The following MAPK9 variants were observed in gnomAD, a reference collection of about 807,000 sequenced individuals.
MAPK9 encodes the protein Jun kinase.
A neutral mutation model predicts 57.1 loss-of-function variants in MAPK9; 30 were observed. The observed-to-expected ratio is 0.53, with a 90% CI of 0.39 to 0.71. The LOEUF (loss-of-function observed/expected upper bound fraction) is 0.71, where lower values mean the gene tolerates loss of function less well. Ranked by LOEUF, MAPK9 falls within the 30% of genes least tolerant of loss-of-function variation. MAPK9 has a pLI of 0.00. For synonymous variants in MAPK9, 155 were observed against 177.0 expected, an observed-to-expected ratio of 0.88 and a Z score of 0.99; for missense variants, 362 against 521.0, an observed-to-expected ratio of 0.69 and a Z score of 2.97.
intron 5 of MAPK9, among the ~76,000 whole-genome samples, chr5:180,250,169 G>T (rs776344973): frequency 1.3e-5 from 2 of 152,192 alleles, no homozygotes; most frequent in Non-Finnish European, 2.9e-5. Flanking sequence ...TCAGCACTCA[G>T]AAGCACGCCT....
At chr5:180,238,612 T>TTC (rs1386186510) in intron 10 of MAPK9, among the ~76,000 whole-genome samples, 1 of 146,402 alleles carries the variant, frequency 6.8e-6, no homozygotes, top group Non-Finnish European at 1.5e-5. Context: ...CTTCTTCTTT[T>TTC]TTTTTTTTTT....
chr5:180,242,992 G>A (rs1757782398), intron 7 of MAPK9: 1 of 403,770 alleles, frequency 2.5e-6, no homozygotes, highest in African/African-American at 2.0e-5. Context: ...ACACAATGAA[G>A]TCTACACACC....
intron 3 of MAPK9, among the ~76,000 whole-genome samples, chr5:180,265,197 A>T (rs1424004929): frequency 6.6e-6 from 1 of 152,230 alleles, no homozygotes; most frequent in Non-Finnish European, 1.5e-5. Flanking sequence ...AAAGGTTTGA[A>T]ATATGAAGGC....
chr5:180,280,299 A>G (rs1762208716), intron 2 of MAPK9, 141 bp downstream of exon 2: 5 of 1,085,552 alleles, frequency 4.6e-6, no homozygotes, highest in Non-Finnish European at 6.5e-6. Flanking sequence ...GAACTAGAGC[A>G]AGCAGTTGAT....
chr5:180,268,754 G>A (rs1346001461), intron 3 of MAPK9, among the ~76,000 whole-genome samples: 2 of 151,644 alleles, frequency 1.3e-5, no homozygotes, highest in Non-Finnish European at 1.5e-5. Flanking sequence ...ATGAACCCGG[G>A]AGGTGGAGCT....
intron 3 of MAPK9, among the ~76,000 whole-genome samples, chr5:180,265,111 G>C (rs1440086051): frequency 6.6e-6 from 1 of 152,164 alleles, no homozygotes; most frequent in Non-Finnish European, 1.5e-5. Context: ...ACATAAAAAA[G>C]TAGAATTTAC....
At chr5:180,276,412 A>T (rs906643800) in intron 2 of MAPK9, among the ~76,000 whole-genome samples, 1 of 152,176 alleles carries the variant, frequency 6.6e-6, no homozygotes, top group Non-Finnish European at 1.5e-5. Context: ...TTTTGGCCAA[A>T]CTTGAGATTT....
chr5:180,242,214 G>A (rs1757728407), intron 8 of MAPK9, among the ~76,000 whole-genome samples: 1 of 152,140 alleles, frequency 6.6e-6, no homozygotes, highest in Non-Finnish European at 1.5e-5. Context: ...AGGAGAAGGT[G>A]GGGAGGAAGG....
intron 2 of MAPK9, 146 bp downstream of exon 2, chr5:180,280,294 A>G (rs1762208001): frequency 9.5e-7 from 1 of 1,050,644 alleles, no homozygotes; most frequent in Non-Finnish European, 1.4e-6. Flanking sequence ...ACACAGAACT[A>G]GAGCAAGCAG....
At chr5:180,244,177 C>T (rs1757886220) in intron 7 of MAPK9, among the ~76,000 whole-genome samples, 2 of 152,040 alleles carry the variant, frequency 1.3e-5, no homozygotes, top group African/African-American at 4.8e-5. Flanking sequence ...CCTCTTCTGC[C>T]TGCTCACTCC....
chr5:180,273,673 A>G (rs2127612662), intron 2 of MAPK9, among the ~76,000 whole-genome samples: 1 of 152,362 alleles, frequency 6.6e-6, no homozygotes, highest in Admixed American at 6.5e-5. Context: ...TTTGTGTATA[A>G]TATGAGGTTG....
chr5:180,261,940 T>C, intron 4 of MAPK9, 118 bp from the exon 5 acceptor site: 1 of 775,312 alleles, frequency 1.3e-6, no homozygotes, highest in South Asian at 3.3e-5. Flanking sequence ...AAAAGATAAC[T>C]TGGTATAATG....
chr5:180,279,177 C>T (rs1051490782), intron 2 of MAPK9, among the ~76,000 whole-genome samples: 2 of 152,074 alleles, frequency 1.3e-5, no homozygotes, highest in Admixed American at 6.5e-5. Context: ...AGGATGGTCT[C>T]GATCTCTTGA....
At chr5:180,256,051 T>C (rs910482948) in intron 5 of MAPK9, among the ~76,000 whole-genome samples, 2 of 152,214 alleles carry the variant, frequency 1.3e-5, no homozygotes, top group African/African-American at 2.4e-5. Flanking sequence ...AGGACATAAG[T>C]ACAGATATGC....
chr5:180,233,223 C>G lies in MAPK9; in HGVS notation c.*3161G>C, dbSNP rs536652198. 6.6e-6 allele frequency: 1 copy of G among 152,164 alleles called. No individual in the cohort carries two copies. The highest frequency in any genetic ancestry group is 1.5e-5 in the Non-Finnish European group (1 of 68,064). The allele number at this position is 152,164 out of a possible 1,614,324, so 9.4% of individuals were successfully genotyped here. ...AGACGTCAGATGAACTTGGCTCATC[C>G]CAGGCACAAAGCCACAAGCACCATG... On this transcript the variant is annotated 3_prime_UTR_variant, in exon 12 of 12. Transcript: ENST00000452135.
At chr5:180,272,925 A>G (rs1438230276) in intron 2 of MAPK9, among the ~76,000 whole-genome samples, 1 of 152,060 alleles carries the variant, frequency 6.6e-6, no homozygotes, top group Non-Finnish European at 1.5e-5. Flanking sequence ...GTTTCTACAA[A>G]TTTGTACAGC....
intron 2 of MAPK9, among the ~76,000 whole-genome samples, chr5:180,270,026 CTG>C (rs1761108071): frequency 1.3e-5 from 2 of 152,336 alleles, no homozygotes; most frequent in South Asian, 2.1e-4. Flanking sequence ...AATCTACAGG[CTG>C]TGTTTCCAGC....
intron 4 of MAPK9, among the ~76,000 whole-genome samples, chr5:180,263,951 C>T (rs963753319): frequency 2.6e-5 from 4 of 152,090 alleles, no homozygotes; most frequent in East Asian, 1.9e-4. Flanking sequence ...GTGATCCGCC[C>T]GCCTCGGCCT....
At chr5:180,278,326 T>A (rs1388060458) in intron 2 of MAPK9, among the ~76,000 whole-genome samples, 2 of 152,238 alleles carry the variant, frequency 1.3e-5, no homozygotes, top group South Asian at 2.1e-4. Context: ...GATTCTACAA[T>A]ATACACTATT....
Sources: allele counts gnomAD v4.1 joint callset (sites outside exome capture counted in the v4.1 genomes callset), GRCh38; gene constraint gnomAD v4.1.1; transcripts MANE v1.5; gene names NCBI Gene and HGNC (gene_info 2026-07-23, HGNC 2026-07-21).